Variants in DNAH9 observed in about 807,000 individuals in gnomAD.
DNAH9 encodes dynein axonemal heavy chain 9, also known as DNAH9 variant protein.
DNAH9 carries 345 observed loss-of-function variants against 471.6 expected under a neutral mutation model. The ratio of observed to expected loss-of-function variants is 0.73; its 90% CI spans 0.67 to 0.80. DNAH9 has a LOEUF of 0.80. Among genes scored for constraint, DNAH9 ranks in the 30% least tolerant of loss-of-function variants. The pLI, the probability that DNAH9 is intolerant of heterozygous loss-of-function variation, is 0.00. For synonymous variants in DNAH9, 2,093 were observed against 2,123.6 expected (o/e 0.99, Z 0.40); for missense variants, 5,407 against 5,609.2 (o/e 0.96, Z 1.15).
chr17:11,732,189 C>T (rs1167578077), intron 28 of DNAH9, among the ~76,000 whole-genome samples: 1 of 152,208 alleles, frequency 6.6e-6, no homozygotes, highest in Admixed American at 6.5e-5. Context: ...GTCAGCAATG[C>T]ATTCTCTAAG....
At position 11,942,492 on chromosome 17, in the gene DNAH9, G is replaced by A. The variant is rs144928509; in HGVS notation, c.12843+7G>A. 19 of 1,612,296 alleles carry A rather than the reference G, an allele frequency of 1.2e-5. No individual in the cohort carries two copies. Among genetic ancestry groups the A allele is most frequent in the East Asian group, 2.2e-5 (1 of 44,852 alleles). ...GCTGGAGCTCGGCTTAAAGGTGAGC[G>A]CGGTCTTGTAAGGCATGGAGGGGAC... is the stretch of plus-strand genomic sequence containing the variant. On this transcript the variant is annotated splice_region_variant and intron_variant, in intron 67 of 68. Transcript: ENST00000262442.
At chr17:11,941,572 T>C (rs1199505368) in intron 66 of DNAH9, among the ~76,000 whole-genome samples, 2 of 152,040 alleles carry the variant, frequency 1.3e-5, no homozygotes, top group African/African-American at 4.8e-5. Context: ...ACAGTTTGTG[T>C]GGGGAAAAGA....
chr17:11,890,265 G>T (rs1441358123), intron 57 of DNAH9, among the ~76,000 whole-genome samples: 7 of 151,982 alleles, frequency 4.6e-5, no homozygotes, highest in Admixed American at 1.3e-4. Flanking sequence ...GTGCTGGGGG[G>T]ACATTATCAG....
rs1269444792 is a variant in DNAH9 at position 11,598,518 on chromosome 17, G to A, written c.20G>A (p.Arg7Gln). 3 of 1,387,908 alleles carry A rather than the reference G, an allele frequency of 2.2e-6. No homozygotes were observed. Among genetic ancestry groups the A allele is most frequent in the African/African-American group, 1.5e-5 (1 of 65,716 alleles). The allele number at this position is 1,387,908 out of a possible 1,614,324, so 86.0% of individuals were successfully genotyped here. ...CGCGCGATGCGGCTCGCGGAGGAGCGGGCCGCGCTCGCGGCGGAGAACGCG... is the reference window on the plus strand; with the variant it reads ...CGCGCGATGCGGCTCGCGGAGGAGCAGGCCGCGCTCGCGGCGGAGAACGCG... MRLAEE[R>Q]AALAAENADG... The change falls in exon 1 of 69, where the codon CGG (arginine) becomes CAG (glutamine). Residue 7 changes from arginine to glutamine, a missense_variant. Physicochemically the swap from Arg to Gln is conservative, Grantham distance 43. Transcript: ENST00000262442.
At chr17:11,680,306 G>C (rs1182596214) in intron 18 of DNAH9, among the ~76,000 whole-genome samples, 1 of 151,750 alleles carries the variant, frequency 6.6e-6, no homozygotes, top group Non-Finnish European at 1.5e-5. Context: ...GGACATAAAA[G>C]AAAATAACCA....
chr17:11,786,672 T>C lies in DNAH9; in HGVS notation c.8061+2133T>C, dbSNP rs796766177. 1.8e-4 allele frequency among the ~76,000 whole-genome samples: 28 copies of C among 152,340 alleles called. 1 individual carries two copies. Among genetic ancestry groups the C allele is most frequent in the African/African-American group, 6.5e-4 (27 of 41,580 alleles). ...GCATAATGGTAAGCAGCAGCATTGA[T>C]AGAACAGCTAGAATGTTCAGCACTG... On this transcript the variant is annotated intron_variant, in intron 41 of 68. Transcript: ENST00000262442.
At chr17:11,898,273 C>T (rs1006887124) in intron 59 of DNAH9, among the ~76,000 whole-genome samples, 8 of 152,062 alleles carry the variant, frequency 5.3e-5, no homozygotes, top group African/African-American at 1.4e-4. Context: ...TACCGGCGTG[C>T]GCCACCACAC....
In DNAH9 at chr17:11,953,351, C is replaced by T. The variant is rs540099998; in HGVS notation, c.12844-8516C>T. On this transcript the variant is annotated intron_variant, in intron 67 of 68. Coordinates refer to ENST00000262442, the MANE Select transcript of DNAH9 (RefSeq NM_001372.4). The stretch of plus-strand genomic sequence containing the variant: ...CTGGTCAGGCCTCAAGCGGCATCAA[C>T]CTATGACATCAGTGGCTTTACCTTG... Among the ~76,000 whole-genome samples, 9 of 152,310 alleles carry T rather than the reference C, an allele frequency of 5.9e-5. No homozygotes were observed. In the South Asian group the frequency reaches 1.9e-3, roughly 32 times the overall value.
intron 39 of DNAH9, among the ~76,000 whole-genome samples, chr17:11,783,052 C>T (rs1968727962): frequency 6.6e-6 from 1 of 152,194 alleles, no homozygotes. Flanking sequence ...TCTTACTAAA[C>T]TACTATCTGC....
At chr17:11,921,840 A>G (rs1056348657) in intron 61 of DNAH9, among the ~76,000 whole-genome samples, 1 of 152,144 alleles carries the variant, frequency 6.6e-6, no homozygotes, top group Non-Finnish European at 1.5e-5. Context: ...GCAGTGCTAA[A>G]CTTTGCCCGT....
chr17:11,905,264 C>T (rs369872284), intron 60 of DNAH9, among the ~76,000 whole-genome samples: 2 of 151,246 alleles, frequency 1.3e-5, no homozygotes, highest in African/African-American at 2.4e-5. Flanking sequence ...AATAGCGTAC[C>T]GTAGGGCCTT....
chr17:11,634,414 A>T (rs942680488), intron 8 of DNAH9, among the ~76,000 whole-genome samples: 1 of 152,178 alleles, frequency 6.6e-6, no homozygotes, highest in Non-Finnish European at 1.5e-5. Flanking sequence ...CTGCTGTAAG[A>T]TCATCCAACT....
intron 12 of DNAH9, among the ~76,000 whole-genome samples, chr17:11,650,318 G>T (rs1289308065): frequency 6.6e-6 from 1 of 152,152 alleles, no homozygotes; most frequent in Non-Finnish European, 1.5e-5. Context: ...AGTCCTCATG[G>T]GTTCAGACAG....
chr17:11,713,935 T>C (rs1006228649), intron 26 of DNAH9, among the ~76,000 whole-genome samples: 12 of 152,158 alleles, frequency 7.9e-5, no homozygotes, highest in African/African-American at 2.9e-4. Context: ...ATGATATGGG[T>C]GGCGTTGCTC....
intron 66 of DNAH9, among the ~76,000 whole-genome samples, chr17:11,938,738 G>A (rs1441839592): frequency 6.6e-6 from 1 of 152,072 alleles, no homozygotes; most frequent in African/African-American, 2.4e-5. Context: ...AGCTAGGACT[G>A]CAGGTGTGTA....
intron 38 of DNAH9, among the ~76,000 whole-genome samples, chr17:11,771,223 G>T (rs1196463323): frequency 1.3e-5 from 2 of 152,090 alleles, no homozygotes; most frequent in African/African-American, 4.8e-5. Flanking sequence ...CTGCCTCCCG[G>T]GTTCAAGCAA....
At chr17:11,954,773 A>G (rs964722941) in intron 67 of DNAH9, among the ~76,000 whole-genome samples, 1 of 144,556 alleles carries the variant, frequency 6.9e-6, no homozygotes, top group Admixed American at 7.0e-5. Flanking sequence ...TCGTCTTAAA[A>G]AAAAAAAAAA....
intron 1 of DNAH9, among the ~76,000 whole-genome samples, chr17:11,604,511 T>G (rs1310850786): frequency 1.3e-5 from 2 of 152,116 alleles, no homozygotes; most frequent in African/African-American, 4.8e-5. Flanking sequence ...AACTAGCATA[T>G]CCAGCTGCCT....
chr17:11,784,594 C>T (rs996319641), intron 41 of DNAH9, 55 bp downstream of exon 41: 14 of 1,609,044 alleles, frequency 8.7e-6, no homozygotes, highest in Admixed American at 6.7e-5. Flanking sequence ...CCAGATGCTC[C>T]GATTCTTCAT....
Sources: gnomAD v4.1 joint callset for allele counts (sites outside exome capture counted in the v4.1 genomes callset) on GRCh38, gnomAD v4.1.1 for gene constraint, MANE v1.5 for transcripts, NCBI Gene and HGNC (gene_info 2026-07-23, HGNC 2026-07-21) for gene names.